GLI2: variants seen among roughly 807,000 people sequenced by gnomAD.
GLI2 encodes transcription activator GLI2.
GLI2 carries 22 observed loss-of-function variants against 78.9 expected under a neutral mutation model. That is an observed-to-expected ratio of 0.28 (90% confidence interval 0.20 to 0.40). The LOEUF is 0.40. Ranked by LOEUF, GLI2 falls within the 10% of genes least tolerant of loss-of-function variation. GLI2 has a pLI of 1.00. For missense variants in GLI2, 2,097 were observed against 2,213.2 expected (o/e 0.95, Z 1.05); for synonymous variants, 974 against 963.7 (o/e 1.01, Z -0.20).
rs144733354 is a variant in GLI2, at chr2:120,969,492, C to T, written c.845+577C>T. On this transcript the variant is annotated intron_variant, in intron 6 of 13. Transcript: ENST00000361492. ...GGAATGTCAGGAGAGTTTGTCCCAA[C>T]GACCTGGAGATGGAAGGAATAACAA... 2.3e-3 allele frequency among the ~76,000 whole-genome samples: 345 copies of T among 152,362 alleles called. 2 individuals are homozygous for T. The highest frequency in any genetic ancestry group is 6.8e-3 in the Middle Eastern group (2 of 294).
intron 5 of GLI2, among the ~76,000 whole-genome samples, chr2:120,965,933 C>T (rs761467626): frequency 6.6e-6 from 1 of 152,166 alleles, no homozygotes; most frequent in Non-Finnish European, 1.5e-5. Flanking sequence ...AGTGGGCATC[C>T]CCAGAAGCAA....
chr2:120,764,885 A>G (rs1384324745), intron 1 of GLI2, among the ~76,000 whole-genome samples: 1 of 152,156 alleles, frequency 6.6e-6, no homozygotes, highest in East Asian at 1.9e-4. Flanking sequence ...AAGGCTTCTG[A>G]GTTAGCTCTA....
chr2:120,741,155 A>G (rs1682525740), intron 1 of GLI2, among the ~76,000 whole-genome samples: 1 of 152,166 alleles, frequency 6.6e-6, no homozygotes, highest in South Asian at 2.1e-4. Flanking sequence ...CCTGGGACAC[A>G]GTTAAGTATC....
intron 1 of GLI2, among the ~76,000 whole-genome samples, chr2:120,781,813 G>T (rs1558793062): frequency 6.6e-6 from 1 of 151,950 alleles, no homozygotes; most frequent in African/African-American, 2.4e-5. Flanking sequence ...AACCTGGGAG[G>T]CAGAGGTTGT....
intron 2 of GLI2, among the ~76,000 whole-genome samples, chr2:120,810,022 G>T (rs1685163413): frequency 6.6e-6 from 1 of 152,218 alleles, no homozygotes; most frequent in Non-Finnish European, 1.5e-5. Context: ...GACCCTGCTG[G>T]CCCCAACTCC....
At chr2:120,912,081 C>T (rs183556218) in intron 2 of GLI2, among the ~76,000 whole-genome samples, 223 of 152,248 alleles carry the variant, frequency 1.5e-3, no homozygotes, top group African/African-American at 5.0e-3. Context: ...TGCCCACAAA[C>T]GCCTCGGATG....
chr2:120,767,776 C>T (rs548743610), intron 1 of GLI2, among the ~76,000 whole-genome samples: 12 of 152,360 alleles, frequency 7.9e-5, no homozygotes, highest in Non-Finnish European at 1.5e-4. Context: ...TCCAGCAAGC[C>T]GGCTGTGTGA....
At chr2:120,955,499 C>A (rs756844140) in intron 5 of GLI2, 69 bp downstream of exon 5, 2 of 1,076,604 alleles carry the variant, frequency 1.9e-6, no homozygotes, top group South Asian at 1.6e-5. Flanking sequence ...GAAGGTCACT[C>A]GCTGTTTCTT....
chr2:120,745,347 G>A (rs1334320713), intron 1 of GLI2, among the ~76,000 whole-genome samples: 2 of 152,222 alleles, frequency 1.3e-5, no homozygotes, highest in Non-Finnish European at 2.9e-5. Context: ...TCTTTTGGAA[G>A]TTTGACCCAC....
chr2:120,983,292 C>T (rs1286170247), intron 11 of GLI2, among the ~76,000 whole-genome samples: 1 of 152,166 alleles, frequency 6.6e-6, no homozygotes, highest in Non-Finnish European at 1.5e-5. Context: ...GTGGGCTCTG[C>T]CTCCCCATCC....
chr2:120,796,548 G>A (rs1452208100), intron 1 of GLI2, among the ~76,000 whole-genome samples: 1 of 152,150 alleles, frequency 6.6e-6, no homozygotes, highest in South Asian at 2.1e-4. Flanking sequence ...CAGTGGGGTG[G>A]CCCCTCAGGC....
At chr2:120,908,835 G>T (rs1024094744) in intron 2 of GLI2, among the ~76,000 whole-genome samples, 13 of 152,200 alleles carry the variant, frequency 8.5e-5, no homozygotes, top group Non-Finnish European at 1.8e-4. Context: ...CAGAAAGGAA[G>T]GGGGGAGCCA....
At chr2:120,942,142 C>A (rs1429219802) in intron 3 of GLI2, among the ~76,000 whole-genome samples, 1 of 152,194 alleles carries the variant, frequency 6.6e-6, no homozygotes, top group Non-Finnish European at 1.5e-5. Context: ...CAACTCTAGG[C>A]CAATGCAACA....
intron 12 of GLI2, 130 bp downstream of exon 12, chr2:120,984,873 C>T: frequency 1.1e-6 from 1 of 940,790 alleles, no homozygotes; most frequent in Admixed American, 2.1e-5. Context: ...CTCCTCTCTC[C>T]AACTTGGCTT....
Position 120,978,476 on chromosome 2 carries a change from G to T in GLI2, c.1360G>T (p.Val454Leu). 1.2e-6 allele frequency: 2 copies of T among 1,614,208 alleles called. No individual in the cohort carries two copies. Among genetic ancestry groups the T allele is most frequent in the Non-Finnish European group, 1.7e-6 (2 of 1,180,042 alleles). The change falls in exon 10 of 14, where the codon GTG becomes TTG. Residue 454 changes from valine to leucine, a missense_variant. This residue lies in a region of GLI2 where 104 missense variants were observed against 190.6 expected (regional missense o/e 0.55). Coordinates refer to ENST00000361492, the MANE Select transcript of GLI2 (RefSeq NM_001374353.1). Reference sequence around the variant, plus strand: ...CATCCACGGGGAGAAGAAGGAGTTTGTGTGCCGCTGGCAGGCCTGCACGCG... The same window carrying T: ...CATCCACGGGGAGAAGAAGGAGTTTTTGTGCCGCTGGCAGGCCTGCACGCG... ...EHIHGEKKEFVCRWQACTREQ... is the reference protein window; with the variant it reads ...EHIHGEKKEFLCRWQACTREQ...
chr2:120,934,481 G>T (rs900516329), intron 3 of GLI2, among the ~76,000 whole-genome samples: 3 of 152,196 alleles, frequency 2.0e-5, no homozygotes, highest in African/African-American at 7.2e-5. Context: ...GCTGTAGTTG[G>T]TTTGCATTGC....
At chr2:120,811,498 A>T (rs776547521) in intron 2 of GLI2, among the ~76,000 whole-genome samples, 4 of 152,154 alleles carry the variant, frequency 2.6e-5, no homozygotes, top group African/African-American at 4.8e-5. Context: ...TTAAAGAATG[A>T]GAGAGCTACT....
At chr2:120,741,661 C>T (rs1401523142) in intron 1 of GLI2, among the ~76,000 whole-genome samples, 1 of 152,094 alleles carries the variant, frequency 6.6e-6, no homozygotes, top group Admixed American at 6.5e-5. Flanking sequence ...TCCGCGCCGG[C>T]TTTTCCGCCA....
At chr2:120,793,847 T>C (rs1684259599) in intron 1 of GLI2, among the ~76,000 whole-genome samples, 1 of 152,224 alleles carries the variant, frequency 6.6e-6, no homozygotes, top group African/African-American at 2.4e-5. Flanking sequence ...GCATTTTGGC[T>C]GGAGGATCTG....
Sources: gnomAD v4.1 joint callset for allele counts (sites outside exome capture counted in the v4.1 genomes callset) on GRCh38, gnomAD v4.1.1 for gene constraint, gnomAD v4.1.1 regional missense constraint, MANE v1.5 for transcripts, NCBI Gene and HGNC (gene_info 2026-07-23, HGNC 2026-07-21) for gene names.